TTC3: variants seen among roughly 807,000 people sequenced by gnomAD.
TTC3 encodes the protein tetratricopeptide repeat domain 3, also known as E3 ubiquitin-protein ligase TTC3.
TTC3 carries 180 observed loss-of-function variants against 249.6 expected under a neutral mutation model. That is an observed-to-expected ratio of 0.72 (90% CI 0.64 to 0.82). The LOEUF is 0.82. TTC3 is among the 40% of genes least tolerant of loss of function. TTC3 has a pLI of 0.00. For missense variants in TTC3, 2,061 were observed against 2,398.4 expected (o/e 0.86, Z 2.94); for synonymous variants, 717 against 805.0 (o/e 0.89, Z 1.85).
intron 15 of TTC3, among the ~76,000 whole-genome samples, 175 bp from the exon 16 acceptor site, chr21:37,128,828 A>G (rs570186325): frequency 6.6e-6 from 1 of 152,154 alleles, no homozygotes; most frequent in East Asian, 1.9e-4. Flanking sequence ...TTTATTATAT[A>G]TAGAAAAATA....
intron 35 of TTC3, among the ~76,000 whole-genome samples, chr21:37,175,297 G>A (rs1228990598): frequency 1.4e-5 from 2 of 141,816 alleles, no homozygotes; most frequent in South Asian, 4.5e-4. Context: ...GGAATGCTTA[G>A]CATATACAGG....
intron 11 of TTC3, among the ~76,000 whole-genome samples, chr21:37,111,772 A>G (rs1301478549): frequency 1.3e-5 from 2 of 152,212 alleles, no homozygotes; most frequent in Non-Finnish European, 2.9e-5. Flanking sequence ...CACCACACCT[A>G]TTCCAAAATT....
chr21:37,074,047 G>T (rs764392609), intron 1 of TTC3, among the ~76,000 whole-genome samples: 1 of 152,244 alleles, frequency 6.6e-6, no homozygotes, highest in African/African-American at 2.4e-5. Flanking sequence ...TCGTTGGTGA[G>T]CGTGAACGTT....
chr21:37,132,028 G>A lies in TTC3; in HGVS notation c.1359-654G>A, dbSNP rs147824683. 9.2e-5 allele frequency among the ~76,000 whole-genome samples: 14 copies of A among 152,210 alleles called. No homozygotes were observed. The East Asian group carries it at 2.7e-3, about 29-fold the overall frequency. On this transcript the variant is annotated intron_variant, in intron 16 of 45. Coordinates refer to ENST00000355666, the Ensembl canonical transcript of TTC3. ...GCCCATGTTGTTACTAGTGACTACA[G>A]ATCAAGGCAAATACCCCTTAATTTT...
chr21:37,141,412 T>TTCCC (rs550442889), intron 20 of TTC3, among the ~76,000 whole-genome samples: 2 of 150,536 alleles, frequency 1.3e-5, no homozygotes, highest in African/African-American at 4.9e-5. Context: ...TTTTGGGGAA[T>TTCCC]CCCCCCCCCA....
intron 9 of TTC3, 110 bp downstream of exon 9, chr21:37,095,554 G>A (rs1250051029): frequency 1.3e-6 from 1 of 749,412 alleles, no homozygotes; most frequent in African/African-American, 1.8e-5. Flanking sequence ...CTTCCAACTT[G>A]TGCAGAATAG....
chr21:37,093,856 G>A (rs2073611091), intron 7 of TTC3, 149 bp from the exon 8 acceptor site: 1 of 490,374 alleles, frequency 2.0e-6, no homozygotes, highest in Non-Finnish European at 3.6e-6. Context: ...AGACATAAAA[G>A]GTTACAAGAA....
intron 24 of TTC3, among the ~76,000 whole-genome samples, chr21:37,150,413 T>A (rs1377917523): frequency 6.6e-6 from 1 of 152,180 alleles, no homozygotes; most frequent in East Asian, 1.9e-4. Context: ...TTTTACTATT[T>A]TTACTGTTTT....
chr21:37,179,618 C>T (rs1342805321), intron 35 of TTC3, among the ~76,000 whole-genome samples: 8 of 152,096 alleles, frequency 5.3e-5, no homozygotes, highest in Admixed American at 5.2e-4. Context: ...TAGTAATTAT[C>T]TTTTATGCAT....
At chr21:37,130,893 T>C (rs1287049723) in intron 16 of TTC3, among the ~76,000 whole-genome samples, 2 of 152,206 alleles carry the variant, frequency 1.3e-5, no homozygotes, top group South Asian at 2.1e-4. Flanking sequence ...ATAAATACTT[T>C]GTAAATAATG....
At chr21:37,166,597 G>T in exon 33 of TTC3, 1 of 1,611,918 alleles carries the variant, frequency 6.2e-7, no homozygotes, top group Non-Finnish European at 8.5e-7. Flanking sequence ...TTCCACACGT[G>T]CAGATGGTTG....
rs59041529 is a variant in TTC3, at chr21:37,073,536, G to A, written c.-12+172G>A. On this transcript the variant is annotated intron_variant, in intron 1 of 45. Coordinates refer to ENST00000355666, the Ensembl canonical transcript of TTC3. ...GCTGAGGTGCCTACTGTGTCTGCAT[G>A]GGTTGGGTCCCGCGCGATGAGGGGG... The A allele has an allele frequency of 3.9e-3, 3,267 of 835,478 alleles. 154 individuals are homozygous for A. In the Admixed American group the frequency reaches 0.45, roughly 114 times the overall value. The allele number at this position is 835,478 out of a possible 1,614,324, so 51.8% of individuals were successfully genotyped here.
intron 16 of TTC3, 103 bp from the exon 17 acceptor site, chr21:37,132,579 C>CT (rs1268048804): frequency 2.0e-5 from 15 of 745,594 alleles, no homozygotes; most frequent in Non-Finnish European, 2.6e-5. Flanking sequence ...TCCCAAAGTG[C>CT]TGGGATTACA....
chr21:37,145,953 A>G (rs1345114958), intron 21 of TTC3, among the ~76,000 whole-genome samples: 1 of 152,174 alleles, frequency 6.6e-6, no homozygotes, highest in Non-Finnish European at 1.5e-5. Flanking sequence ...ATCAGATTTC[A>G]ATGTGTGGTT....
At chr21:37,099,533 T>C (rs1423602834) in intron 10 of TTC3, among the ~76,000 whole-genome samples, 1 of 152,120 alleles carries the variant, frequency 6.6e-6, no homozygotes, top group African/African-American at 2.4e-5. Context: ...AAATAAATGG[T>C]CTAAATAGTC....
At chr21:37,078,573 TCTTAA>T (rs770974330) in intron 1 of TTC3, among the ~76,000 whole-genome samples, 114 of 150,968 alleles carry the variant, frequency 7.6e-4, no homozygotes, top group African/African-American at 2.3e-3. Context: ...AAAGATTCTA[TCTTAA>T]CTTATTTATT....
intron 1 of TTC3, chr21:37,086,972 C>T (rs1443683865): frequency 3.1e-6 from 1 of 327,466 alleles, no homozygotes; most frequent in Non-Finnish European, 5.6e-6. Flanking sequence ...TGATGATCCT[C>T]TATTTAAAGG....
At position 37,091,427 on chromosome 21, in the gene TTC3, C is replaced by T; in HGVS notation, c.601+14C>T. On this transcript the variant is annotated intron_variant, in intron 7 of 45. Coordinates refer to ENST00000355666, the Ensembl canonical transcript of TTC3. Reference sequence around the variant, plus strand: ...TCTTTACTGAATGTAAGTATAAATGCTTTAAATTGTTACTTGACTCAGTTT... The same window carrying T: ...TCTTTACTGAATGTAAGTATAAATGTTTTAAATTGTTACTTGACTCAGTTT... 1 of 1,589,096 alleles carries T rather than the reference C, an allele frequency of 6.3e-7. No individual in the cohort carries two copies. The highest frequency in any genetic ancestry group is 1.2e-5 in the South Asian group (1 of 86,284).
At chr21:37,141,833 A>T (rs931488755) in intron 20 of TTC3, among the ~76,000 whole-genome samples, 2 of 152,186 alleles carry the variant, frequency 1.3e-5, no homozygotes, top group Admixed American at 6.5e-5. Flanking sequence ...CCTGATGAAC[A>T]TCCATGCAAA....
Sources: gnomAD v4.1 joint callset for allele counts (sites outside exome capture counted in the v4.1 genomes callset) on GRCh38, gnomAD v4.1.1 for gene constraint, MANE v1.5 for transcripts, NCBI Gene and HGNC (gene_info 2026-07-23, HGNC 2026-07-21) for gene names.